Variants in TRIM72 observed in about 807,000 individuals in gnomAD.
The protein encoded by TRIM72 is tripartite motif containing 72, also known as tripartite motif-containing protein 72.
In TRIM72, 33 loss-of-function variants were observed where a neutral mutation model predicts 31.6. The observed-to-expected ratio is 1.04, with a 90% CI of 0.79 to 1.40. The LOEUF (loss-of-function observed/expected upper bound fraction) is 1.40, where lower values mean the gene tolerates loss of function less well. TRIM72 is among the 40% of genes most tolerant of loss of function. The probability of loss-of-function intolerance (pLI) is 0.00; values close to 1 mark genes in which losing one functional copy is unlikely to be tolerated. For missense variants in TRIM72, 666 were observed against 682.7 expected (o/e 0.98, Z 0.27); for synonymous variants, 301 against 314.4 (o/e 0.96, Z 0.45).
rs1310399238 is a variant in TRIM72 at position 31,229,101 on chromosome 16, T to G, written c.*4346T>G. 9 of 152,276 alleles carry G rather than the reference T, an allele frequency of 5.9e-5. 1 individual carries two copies. Among genetic ancestry groups the G allele is most frequent in the African/African-American group, 2.2e-4 (9 of 41,474 alleles). The allele number at this position is 152,276 out of a possible 1,614,324, so 9.4% of individuals were successfully genotyped here. On this transcript the variant is annotated 3_prime_UTR_variant, in exon 7 of 7. Coordinates refer to ENST00000322122, the MANE Select transcript of TRIM72 (RefSeq NM_001008274.4). ...TGGTGTCTGGAGGGATGGTGGTATC[T>G]GAGACCCAAAGCCTCCTTCTGAGGA... is the stretch of plus-strand genomic sequence containing the variant.
In TRIM72 at chr16:31,216,553, G is replaced by A. The variant is rs1349420265; in HGVS notation, c.390+1425G>A. 2.6e-5 allele frequency among the ~76,000 whole-genome samples: 4 copies of A among 152,234 alleles called. No homozygotes were observed. The highest frequency in any genetic ancestry group is 5.9e-5 in the Non-Finnish European group (4 of 68,036). ...CAGGCAGCCCAGGAGCCTGGAAGGG[G>A]GCAGTGGGGCGAGATGCAGCCCACC... On this transcript the variant is annotated intron_variant, in intron 2 of 6. Transcript: ENST00000322122. The surrounding 1 kb of genome is among the most constrained non-coding windows in gnomAD (Gnocchi z 6.7).
chr16:31,214,781 C>T lies in TRIM72; in HGVS notation c.43C>T (p.Pro15Ser). The change falls in exon 2 of 7, where the codon CCG (proline) becomes TCG (serine). Residue 15 changes from proline to serine, a missense_variant. Physicochemically the swap from Pro to Ser is moderately conservative, Grantham distance 74. Transcript: ENST00000322122. ...CCTCCTGCACCAGGAGCTGTCCTGC[C>T]CGCTGTGCCTGCAGCTGTTCGACGC... is the stretch of plus-strand genomic sequence containing the variant. Reference protein sequence around the residue: ...PGLLHQELSCPLCLQLFDAPV... With the variant: ...PGLLHQELSCSLCLQLFDAPV... 1 of 1,582,270 alleles carries T rather than the reference C, an allele frequency of 6.3e-7. No individual in the cohort carries two copies. Among genetic ancestry groups the T allele is most frequent in the Non-Finnish European group, 8.5e-7 (1 of 1,173,640 alleles).
chr16:31,224,761 C>G lies in TRIM72; in HGVS notation c.*6C>G. On this transcript the variant is annotated 3_prime_UTR_variant, in exon 7 of 7. Transcript: ENST00000322122. Reference sequence around the variant, plus strand: ...CCGAAGGCGCCGAGGCCTGAGCCGCCGGACGGGTAGTGGAGGGGCGCGGGG... The same window carrying G: ...CCGAAGGCGCCGAGGCCTGAGCCGCGGGACGGGTAGTGGAGGGGCGCGGGG... The G allele has an allele frequency of 6.8e-7, 1 of 1,466,798 alleles. No homozygotes were observed. The highest frequency in any genetic ancestry group is 9.0e-7 in the Non-Finnish European group (1 of 1,112,282). The allele number at this position is 1,466,798 out of a possible 1,614,324, so 90.9% of individuals were successfully genotyped here. A position where few individuals can be genotyped will look rare whatever the true frequency, so the allele number is the denominator to read the frequency against.
At chr16:31,217,812 A>C (rs1389878277) in intron 2 of TRIM72, among the ~76,000 whole-genome samples, 1 of 152,030 alleles carries the variant, frequency 6.6e-6, no homozygotes, top group Non-Finnish European at 1.5e-5. Flanking sequence ...ATGGGGTTTC[A>C]CTATCTTGGT....
At position 31,219,398 on chromosome 16, in the gene TRIM72, G is replaced by A. The variant is rs768760420; in HGVS notation, c.596G>A (p.Gly199Asp). Residue 199 changes from glycine to aspartate, a missense_variant, in exon 4 of 7, where the codon GGT becomes GAT. Physicochemically the swap from Gly to Asp is moderately conservative, Grantham distance 94. Transcript: ENST00000322122. This position sits in a 1 kb window ranked among gnomAD's most constrained non-coding sequence, Gnocchi z 4.2. ...SLDREAERVR[G>D]EAGVALRREL... Reference sequence around the variant, plus strand: ...GACCGCGAGGCAGAGCGTGTACGGGGTGAGGCAGGGGTCGCCTTGCGCCGG... The same window carrying A: ...GACCGCGAGGCAGAGCGTGTACGGGATGAGGCAGGGGTCGCCTTGCGCCGG... 4 of 1,614,004 alleles carry A rather than the reference G, an allele frequency of 2.5e-6. No individual in the cohort carries two copies. In the Admixed American group the frequency reaches 5.0e-5, roughly 20 times the overall value.
Position 31,216,909 on chromosome 16 carries a change from C to T in TRIM72, c.390+1781C>T, listed in dbSNP as rs368720244. The T allele has an allele frequency of 1.5e-5, 24 of 1,613,868 alleles. No homozygotes were observed. In the African/African-American group the frequency reaches 2.8e-4, roughly 19 times the overall value. Reference sequence around the variant, plus strand: ...TATCTAGCTGCCCGAGCGCGCCCCGCGGGATGCGCTCAAAGCCCTCGCGCA... The same window carrying T: ...TATCTAGCTGCCCGAGCGCGCCCCGTGGGATGCGCTCAAAGCCCTCGCGCA... On this transcript the variant is annotated intron_variant, in intron 2 of 6. Coordinates refer to ENST00000322122, the MANE Select transcript of TRIM72 (RefSeq NM_001008274.4). The surrounding 1 kb of genome is among the most constrained non-coding windows in gnomAD (Gnocchi z 6.7).
In TRIM72 at chr16:31,224,385, C is replaced by CGCGCTGG. The variant is rs2079546568; in HGVS notation, c.1075_1081dup (p.Val361AlafsTer167). ...TGGGAGGTGGATGTTGGCGACAAGC[C>CGCGCTGG]GCGCTGGGCGCTGGGCGTGATCGCG... On this transcript the variant is annotated frameshift_variant, in exon 7 of 7. Coordinates refer to ENST00000322122, the MANE Select transcript of TRIM72 (RefSeq NM_001008274.4). LOFTEE classifies it low-confidence loss of function (END_TRUNC). 4.7e-6 allele frequency: 7 copies of CGCGCTGG among 1,477,942 alleles called. No individual in the cohort carries two copies. The highest frequency in any genetic ancestry group is 1.4e-5 in the South Asian group (1 of 72,060). 91.6% of individuals were successfully genotyped at this position (1,477,942 alleles called of 1,614,324 possible).
chr16:31,218,391 A>T (rs1312259923), intron 2 of TRIM72, among the ~76,000 whole-genome samples: 6 of 152,054 alleles, frequency 3.9e-5, no homozygotes, highest in South Asian at 4.2e-4. Context: ...AAAATATTTT[A>T]AAAAATCATG....
chr16:31,218,755 A>T (rs2079520651), intron 2 of TRIM72, among the ~76,000 whole-genome samples: 1 of 151,978 alleles, frequency 6.6e-6, no homozygotes, highest in Non-Finnish European at 1.5e-5. Flanking sequence ...GGGAGACTGA[A>T]GTGAGAGGGT....
chr16:31,220,067 T>A (rs2079526760), intron 4 of TRIM72, among the ~76,000 whole-genome samples: 1 of 147,946 alleles, frequency 6.8e-6, no homozygotes, highest in African/African-American at 2.5e-5. Context: ...CTGGTCTTTT[T>A]TTTAAAGGCA....
chr16:31,216,476 G>T lies in TRIM72; in HGVS notation c.390+1348G>T. 2.5e-6 allele frequency: 1 copy of T among 403,376 alleles called. No individual in the cohort carries two copies. Among genetic ancestry groups the T allele is most frequent in the East Asian group, 3.7e-5 (1 of 27,284 alleles). 25.0% of individuals were successfully genotyped at this position (403,376 alleles called of 1,614,324 possible). The stretch of plus-strand genomic sequence containing the variant: ...AAAAAACCCAACCTCGCCCAACCTT[G>T]CCCGTCTTTATCTGCGAAGAAAGCA... On this transcript the variant is annotated intron_variant, in intron 2 of 6. Coordinates refer to ENST00000322122, the MANE Select transcript of TRIM72 (RefSeq NM_001008274.4). This position sits in a 1 kb window ranked among gnomAD's most constrained non-coding sequence, Gnocchi z 6.7.
Position 31,216,609 on chromosome 16 carries a change from C to T in TRIM72, c.390+1481C>T. 4 of 956,888 alleles carry T rather than the reference C, an allele frequency of 4.2e-6. No homozygotes were observed. The highest frequency in any genetic ancestry group is 6.2e-6 in the Non-Finnish European group (4 of 646,060). The allele number at this position is 956,888 out of a possible 1,614,324, so 59.3% of individuals were successfully genotyped here. A position where few individuals can be genotyped will look rare whatever the true frequency, so the allele number is the denominator to read the frequency against. On this transcript the variant is annotated intron_variant, in intron 2 of 6. Transcript: ENST00000322122. This position sits in a 1 kb window ranked among gnomAD's most constrained non-coding sequence, Gnocchi z 6.7. ...TCGCGGCAGCCCAGCCCTTCGCCCC[C>T]GGGAGGGGCTGGCCGGAGGTCTGAG...
At chr16:31,217,054 C>CAGAAGTTTTTTTCTT in intron 2 of TRIM72, 1 of 1,600,102 alleles carries the variant, frequency 6.2e-7, no homozygotes, top group East Asian at 2.3e-5. Flanking sequence ...CTCTGAGCCT[C>CAGAAGTTTTTTTCTT]CGAGGGCCTG....
Position 31,216,448 on chromosome 16 carries a change from CA to C in TRIM72, c.390+1328del, listed in dbSNP as rs200361055. Reference sequence around the variant, plus strand: ...AAAAAAAAAACAAAAAACAAACAAACAAAAAAAACCCAACCTCGCCCAACCT... The same window carrying C: ...AAAAAAAAAACAAAAAACAAACAAACAAAAAAACCCAACCTCGCCCAACCT... On this transcript the variant is annotated intron_variant, in intron 2 of 6. Coordinates refer to ENST00000322122, the MANE Select transcript of TRIM72 (RefSeq NM_001008274.4). The surrounding 1 kb of genome is among the most constrained non-coding windows in gnomAD (Gnocchi z 6.7). The C allele has an allele frequency of 1.0e-4, 37 of 368,708 alleles. No individual in the cohort carries two copies. Among genetic ancestry groups the C allele is most frequent in the Non-Finnish European group, 1.5e-4 (30 of 205,798 alleles). The allele number at this position is 368,708 out of a possible 1,614,324, so 22.8% of individuals were successfully genotyped here. A position where few individuals can be genotyped will look rare whatever the true frequency, so the allele number is the denominator to read the frequency against.
intron 2 of TRIM72, chr16:31,217,225 G>T (rs1596938384): frequency 1.7e-6 from 1 of 603,302 alleles, no homozygotes; most frequent in East Asian, 2.8e-5. Flanking sequence ...TCCCCTGGGA[G>T]AGTGGGGGCG....
chr16:31,216,900 C>A lies in TRIM72; in HGVS notation c.390+1772C>A. On this transcript the variant is annotated intron_variant, in intron 2 of 6. Transcript: ENST00000322122. The surrounding 1 kb of genome is among the most constrained non-coding windows in gnomAD (Gnocchi z 6.7). Reference sequence around the variant, plus strand: ...GGTCCACGATATCTAGCTGCCCGAGCGCGCCCCGCGGGATGCGCTCAAAGC... The same window carrying A: ...GGTCCACGATATCTAGCTGCCCGAGAGCGCCCCGCGGGATGCGCTCAAAGC... The A allele has an allele frequency of 1.9e-6, 3 of 1,613,916 alleles. No individual in the cohort carries two copies. The highest frequency in any genetic ancestry group is 2.5e-6 in the Non-Finnish European group (3 of 1,180,008).
intron 5 of TRIM72, 44 bp downstream of exon 5, chr16:31,220,962 T>A (rs1461763617): frequency 6.2e-7 from 1 of 1,612,650 alleles, no homozygotes; most frequent in East Asian, 2.2e-5. Flanking sequence ...CTTGTCCCAG[T>A]CTTCTAGGGA....
At chr16:31,218,665 G>C (rs11646194) in intron 2 of TRIM72, among the ~76,000 whole-genome samples, 5 of 151,790 alleles carry the variant, frequency 3.3e-5, no homozygotes, top group Middle Eastern at 3.4e-3. Flanking sequence ...CTGGGTGACA[G>C]AGCGAGACTC....
At chr16:31,217,895 G>C (rs559892796) in intron 2 of TRIM72, among the ~76,000 whole-genome samples, 28 of 152,150 alleles carry the variant, frequency 1.8e-4, no homozygotes, top group African/African-American at 6.0e-4. Context: ...TTACAGGTGT[G>C]AGCCACCACG....
Sources: allele counts gnomAD v4.1 joint callset (sites outside exome capture counted in the v4.1 genomes callset), GRCh38; gene constraint gnomAD v4.1.1; non-coding constraint Gnocchi (gnomAD v3.1); transcripts MANE v1.5; gene names NCBI Gene and HGNC (gene_info 2026-07-23, HGNC 2026-07-21).